Variants in METTL3 observed in about 807,000 individuals in gnomAD.
METTL3 encodes the protein methyltransferase 3, N6-adenosine-methyltransferase complex catalytic subunit, also known as N(6)-adenosine-methyltransferase catalytic subunit METTL3.
A neutral mutation model predicts 64.3 loss-of-function variants in METTL3; 42 were observed. That is an observed-to-expected ratio of 0.65 (90% CI 0.51 to 0.84). The LOEUF (loss-of-function observed/expected upper bound fraction) is 0.84, where lower values mean the gene tolerates loss of function less well. Among genes scored for constraint, METTL3 ranks in the 40% least tolerant of loss-of-function variants. METTL3 has a pLI of 0.00. For synonymous variants in METTL3, 256 were observed against 263.6 expected (o/e 0.97, Z 0.28); for missense variants, 435 against 722.3 (o/e 0.60, Z 4.56).
intron 3 of METTL3, chr14:21,502,410 T>G (rs1891590878): frequency 6.4e-6 from 1 of 155,184 alleles, no homozygotes; most frequent in Non-Finnish European, 1.4e-5. Context: ...AAATATGCAT[T>G]TGGGATGAAA....
chr14:21,500,935 G>A lies in METTL3; in HGVS notation c.1094C>T (p.Ala365Val), dbSNP rs1447086421. Residue 365 changes from alanine to valine, a missense_variant, in exon 5 of 11, where the codon GCA (alanine) becomes GTA (valine). Transcript: ENST00000298717. ...LTQSVGGDSS[A>V]DRLFPPQWIC... is the part of the protein sequence containing the mutation. ...TACCTGAGGTGGGAAGAGTCGGTCT[G>A]CACTGGAATCACCTCCGACACTCTG... 1.2e-6 allele frequency: 2 copies of A among 1,614,072 alleles called. No individual in the cohort carries two copies. Among genetic ancestry groups the A allele is most frequent in the East Asian group, 4.5e-5 (2 of 44,868 alleles).
chr14:21,503,801 G>A lies in METTL3; in HGVS notation c.181C>T (p.Pro61Ser), dbSNP rs764934314. ...PVPTAPTSGG[P>S]KPSTASAVPE... ...ACTGCTGAAGCTGTGCTGGGCTTAG[G>A]GCCACCAGAGGTGGGTGCAGTAGGC... Residue 61 changes from proline (P) to serine (S), a missense_variant, in exon 2 of 11, where the codon CCT becomes TCT. Pro to Ser is a moderately conservative substitution (Grantham distance 74, BLOSUM62 -1). This residue lies in a region of METTL3 where 228 missense variants were observed against 279.6 expected (regional missense o/e 0.82). Transcript: ENST00000298717. 1.5e-5 allele frequency: 25 copies of A among 1,614,086 alleles called. No individual in the cohort carries two copies. The Admixed American group carries it at 3.5e-4, about 23-fold the overall frequency.
chr14:21,504,354 C>T (rs996292328), intron 1 of METTL3: 1 of 158,586 alleles, frequency 6.3e-6, no homozygotes, highest in Non-Finnish European at 1.4e-5. Context: ...TTACCTATAA[C>T]ACTCACAAAC....
chr14:21,503,641 TC>T, intron 2 of METTL3, 22 bp downstream of exon 2: 1 of 1,614,032 alleles, frequency 6.2e-7, no homozygotes, highest in East Asian at 2.2e-5. Flanking sequence ...AAGTGGTAAA[TC>T]CTAACTCTGT....
At chr14:21,499,898 G>A (rs1891515408) in intron 6 of METTL3, 96 bp from the exon 7 acceptor site, 1 of 1,142,522 alleles carries the variant, frequency 8.8e-7, no homozygotes, top group Non-Finnish European at 1.3e-6. Flanking sequence ...CACTTTTTCA[G>A]TAGACGCTCA....
At chr14:21,501,333 G>C in intron 4 of METTL3, 1 of 585,186 alleles carries the variant, frequency 1.7e-6, no homozygotes, top group Non-Finnish European at 3.0e-6. Context: ...TCTGAGTAAA[G>C]ACTTGGTTTC....
chr14:21,504,391 C>G (rs999207333), intron 1 of METTL3: 4 of 154,780 alleles, frequency 2.6e-5, no homozygotes, highest in African/African-American at 9.7e-5. Context: ...TTTGCTGAAG[C>G]CTTGGTTACC....
intron 3 of METTL3, 26 bp from the exon 4 acceptor site, chr14:21,501,929 A>T (rs1318885903): frequency 6.2e-7 from 1 of 1,609,816 alleles, no homozygotes. Context: ...CCTTGGACTT[A>T]AAATGTCTTA....
At chr14:21,504,554 A>T (rs1231483322) in intron 1 of METTL3, 1 of 152,300 alleles carries the variant, frequency 6.6e-6, no homozygotes, top group Non-Finnish European at 1.5e-5. Context: ...TATAGATGAA[A>T]TATTAAACTC....
chr14:21,498,310 C>G lies in METTL3; in HGVS notation c.1691G>C (p.Arg564Pro). The change falls in exon 11 of 11, where the codon CGG (arginine) becomes CCG (proline). Residue 564 changes from arginine (R) to proline (P), a missense_variant. By Grantham distance (103) the Arg-to-Pro change is moderately radical (BLOSUM62 -2). Coordinates refer to ENST00000298717, the MANE Select transcript of METTL3 (RefSeq NM_019852.5). The stretch of plus-strand genomic sequence containing the variant: ...ACCATCTGGGTACCTTTGCTTGAAC[C>G]GTGCAACCACATCTGGGTCTAGTAG... ...IHLLDPDVVA[R>P]FKQRYPDGII... 6.2e-7 allele frequency: 1 copy of G among 1,614,020 alleles called. No homozygotes were observed. The highest frequency in any genetic ancestry group is 8.5e-7 in the Non-Finnish European group (1 of 1,179,936).
At position 21,511,286 on chromosome 14, in the gene METTL3, C is replaced by G. The variant is rs1055961516; in HGVS notation, c.-63G>C. 1 of 1,566,752 alleles carries G rather than the reference C, an allele frequency of 6.4e-7. No homozygotes were observed. Among genetic ancestry groups the G allele is most frequent in the Non-Finnish European group, 8.6e-7 (1 of 1,156,344 alleles). ...CGGCGGACTAGCACCTCCCAGCACT[C>G]GCTCCAGGATATAGCCAATTCTCAC... On this transcript the variant is annotated 5_prime_UTR_variant, in exon 1 of 11. Coordinates refer to ENST00000298717, the MANE Select transcript of METTL3 (RefSeq NM_019852.5).
chr14:21,506,622 GC>G (rs1438562253), intron 1 of METTL3, among the ~76,000 whole-genome samples: 1 of 152,212 alleles, frequency 6.6e-6, no homozygotes, highest in African/African-American at 2.4e-5. Context: ...CAGGTTCATA[GC>G]AGCATTATTT....
rs1428542995 is a variant in METTL3, at chr14:21,503,485, T to A, written c.411A>T (p.Gln137His). 1 of 1,612,754 alleles carries A rather than the reference T, an allele frequency of 6.2e-7. No homozygotes were observed. Among genetic ancestry groups the A allele is most frequent in the Non-Finnish European group, 8.5e-7 (1 of 1,180,026 alleles). The change falls in exon 3 of 11, where the codon CAA becomes CAT. Residue 137 changes from glutamine (Q) to histidine (H), a missense_variant. This residue lies in a region of METTL3 where 228 missense variants were observed against 279.6 expected (regional missense o/e 0.82). Coordinates refer to ENST00000298717, the MANE Select transcript of METTL3 (RefSeq NM_019852.5). Reference protein sequence around the residue: ...ELIEVKRGLLQDDAHPTLVTY... With the variant: ...ELIEVKRGLLHDDAHPTLVTY... ...TTACAAGAGTAGGATGTGCATCATC[T>A]TGTAGGAGACCTCGCTTTACCTCAA...
chr14:21,500,452 T>C (rs111838151), intron 6 of METTL3, 43 bp downstream of exon 6: 3 of 1,589,018 alleles, frequency 1.9e-6, no homozygotes, highest in African/African-American at 2.7e-5. Flanking sequence ...GTATTCACTC[T>C]TGTACTGTAT....
chr14:21,505,465 A>G (rs1000165463), intron 1 of METTL3, among the ~76,000 whole-genome samples: 3 of 152,208 alleles, frequency 2.0e-5, no homozygotes, highest in Non-Finnish European at 4.4e-5. Flanking sequence ...CCTTGTATTA[A>G]TAACACCTCC....
chr14:21,507,751 AC>A (rs1891733457), intron 1 of METTL3: 2 of 152,226 alleles, frequency 1.3e-5, no homozygotes, highest in African/African-American at 4.8e-5. Flanking sequence ...TCATAAACTT[AC>A]AATACAGTGT....
chr14:21,498,586 G>T, intron 10 of METTL3: 1 of 575,584 alleles, frequency 1.7e-6, no homozygotes, highest in Non-Finnish European at 3.0e-6. Flanking sequence ...TTATCTGAGG[G>T]TTAGTAACTA....
At chr14:21,506,720 T>G (rs186892146) in intron 1 of METTL3, among the ~76,000 whole-genome samples, 144 of 152,130 alleles carry the variant, frequency 9.5e-4, no homozygotes, top group Non-Finnish European at 1.5e-3. Flanking sequence ...GGAATATTAT[T>G]TATCCTTCAA....
intron 1 of METTL3, chr14:21,507,502 G>A (rs1268159899): frequency 6.6e-6 from 1 of 151,882 alleles, no homozygotes. Context: ...TACTAAAAAC[G>A]ATACAAAAAA....
Sources: allele counts gnomAD v4.1 joint callset (sites outside exome capture counted in the v4.1 genomes callset), GRCh38; gene constraint gnomAD v4.1.1; regional missense constraint gnomAD v4.1.1; transcripts MANE v1.5; gene names NCBI Gene and HGNC (gene_info 2026-07-23, HGNC 2026-07-21).